The following TRAF3 variants were observed in gnomAD, a reference collection of about 807,000 sequenced individuals.
TRAF3 encodes the protein TNF receptor-associated factor 3.
In TRAF3, 13 loss-of-function variants were observed where a neutral mutation model predicts 62.3. The ratio of observed to expected loss-of-function variants is 0.21; its 90% CI spans 0.14 to 0.33. The LOEUF (loss-of-function observed/expected upper bound fraction) is 0.33, where lower values mean the gene tolerates loss of function less well. Among genes scored for constraint, TRAF3 ranks in the 10% least tolerant of loss-of-function variants. TRAF3 has a pLI of 1.00. For missense variants in TRAF3, 440 were observed against 741.8 expected (o/e 0.59, Z 4.73); for synonymous variants, 269 against 283.4 (o/e 0.95, Z 0.51).
At chr14:102,778,316 C>T (rs898374993) in intron 1 of TRAF3, among the ~76,000 whole-genome samples, 3 of 151,864 alleles carry the variant, frequency 2.0e-5, no homozygotes, top group Admixed American at 2.0e-4. Context: ...CCAGGCGGCT[C>T]TCGGCGGGCT....
chr14:102,778,663 A>T (rs1307332163), intron 1 of TRAF3, among the ~76,000 whole-genome samples: 1 of 152,176 alleles, frequency 6.6e-6, no homozygotes, highest in Non-Finnish European at 1.5e-5. Context: ...CGAGCGTTGT[A>T]GCGGCTTCTT....
At chr14:102,892,975 C>A (rs1276962994) in intron 9 of TRAF3, among the ~76,000 whole-genome samples, 2 of 152,090 alleles carry the variant, frequency 1.3e-5, no homozygotes, top group African/African-American at 4.8e-5. Flanking sequence ...TTTTTTTTCC[C>A]TCTTTTTGAA....
intron 2 of TRAF3, among the ~76,000 whole-genome samples, chr14:102,845,352 G>A (rs536487754): frequency 8.6e-4 from 131 of 151,466 alleles, no homozygotes; most frequent in African/African-American, 2.9e-3. Flanking sequence ...ACAGGCGCAC[G>A]CCACTAGCTC....
chr14:102,852,802 G>C (rs1207687426), intron 2 of TRAF3, among the ~76,000 whole-genome samples: 1 of 151,916 alleles, frequency 6.6e-6, no homozygotes, highest in Non-Finnish European at 1.5e-5. Flanking sequence ...CTGGGCTTAA[G>C]CAGTTCTCCC....
chr14:102,851,872 T>TG (rs1221007889), intron 2 of TRAF3, among the ~76,000 whole-genome samples: 1 of 151,606 alleles, frequency 6.6e-6, no homozygotes, highest in African/African-American at 2.4e-5. Context: ...CTGGGCAACA[T>TG]GGCGAGACCC....
At chr14:102,782,415 T>C (rs1464834228) in intron 1 of TRAF3, among the ~76,000 whole-genome samples, 1 of 151,844 alleles carries the variant, frequency 6.6e-6, no homozygotes, top group Non-Finnish European at 1.5e-5. Context: ...GTATTTTTAG[T>C]AGAGAGCGGG....
In TRAF3 at chr14:102,822,035, C is replaced by T. The variant is rs192843006; in HGVS notation, c.-156-8299C>T. Among the ~76,000 whole-genome samples the T allele has an allele frequency of 2.1e-3, 319 of 152,094 alleles. 1 individual carries two copies. The highest frequency in any genetic ancestry group is 5.9e-3 in the Admixed American group (90 of 15,286). ...CCAGCCTGGATGACAGAGTGAGACTCCATCTCAAATAAAATAAAATACAAT... is the reference window on the plus strand; with the variant it reads ...CCAGCCTGGATGACAGAGTGAGACTTCATCTCAAATAAAATAAAATACAAT... On this transcript the variant is annotated intron_variant, in intron 1 of 11. Coordinates refer to ENST00000392745, the MANE Select transcript of TRAF3 (RefSeq NM_145725.3).
At chr14:102,895,196 G>GC (rs1889939552) in intron 9 of TRAF3, 1 of 448,508 alleles carries the variant, frequency 2.2e-6, no homozygotes, top group Non-Finnish European at 4.5e-6. Flanking sequence ...CCACATTCGT[G>GC]CAGGTTGATC....
In TRAF3 at chr14:102,886,346, C is replaced by T. The variant is rs28410620; in HGVS notation, c.651+77C>T. The T allele has an allele frequency of 0.038, 47,730 of 1,269,282 alleles. 1,363 individuals carry two copies. The highest frequency in any genetic ancestry group is 0.13 in the African/African-American group (8,901 of 67,582). 78.6% of individuals were successfully genotyped at this position (1,269,282 alleles called of 1,614,324 possible). A position where few individuals can be genotyped will look rare whatever the true frequency, so the allele number is the denominator to read the frequency against. On this transcript the variant is annotated intron_variant, in intron 7 of 11. Coordinates refer to ENST00000392745, the MANE Select transcript of TRAF3 (RefSeq NM_145725.3). ...GCCTGGCTCCCCTTCCCTGCATAGC[C>T]GAAGCCTCACGTTTTCCCAGTTCGT...
chr14:102,862,291 A>G (rs1887721277), intron 2 of TRAF3, among the ~76,000 whole-genome samples: 1 of 151,978 alleles, frequency 6.6e-6, no homozygotes, highest in African/African-American at 2.4e-5. Context: ...CCCAGCTCCC[A>G]GAGAGACTGA....
At chr14:102,892,753 G>A (rs910178197) in intron 9 of TRAF3, among the ~76,000 whole-genome samples, 1 of 152,162 alleles carries the variant, frequency 6.6e-6, no homozygotes, top group African/African-American at 2.4e-5. Flanking sequence ...TAAATAGAAA[G>A]ATTTCCCTTT....
intron 3 of TRAF3, among the ~76,000 whole-genome samples, chr14:102,871,418 G>T (rs1888336440): frequency 6.6e-6 from 1 of 152,212 alleles, no homozygotes; most frequent in South Asian, 2.1e-4. Context: ...AAGCTTCCCG[G>T]TGGAGGAGGG....
intron 1 of TRAF3, among the ~76,000 whole-genome samples, chr14:102,780,818 G>A (rs1239363661): frequency 6.6e-6 from 1 of 152,186 alleles, no homozygotes; most frequent in Non-Finnish European, 1.5e-5. Flanking sequence ...GGTGTGATTT[G>A]CAGGGATATA....
At chr14:102,834,251 A>T (rs926496184) in intron 2 of TRAF3, among the ~76,000 whole-genome samples, 3 of 152,146 alleles carry the variant, frequency 2.0e-5, no homozygotes, top group Non-Finnish European at 2.9e-5. Flanking sequence ...ACAAAAGCAG[A>T]CACGAATGGA....
Position 102,809,291 on chromosome 14 carries a change from C to T in TRAF3, c.-156-21043C>T, listed in dbSNP as rs138269532. 7.3e-5 allele frequency among the ~76,000 whole-genome samples: 11 copies of T among 151,710 alleles called. No homozygotes were observed. In the South Asian group the frequency reaches 1.0e-3, roughly 14 times the overall value. ...ATGAGCCACTGTGCCTGGCCGCACC[C>T]GGCTAATTTTTGTATTTTTAGTAGA... On this transcript the variant is annotated intron_variant, in intron 1 of 11. Coordinates refer to ENST00000392745, the MANE Select transcript of TRAF3 (RefSeq NM_145725.3).
At position 102,798,253 on chromosome 14, in the gene TRAF3, G is replaced by A. The variant is rs184993620; in HGVS notation, c.-157+20578G>A. On this transcript the variant is annotated intron_variant, in intron 1 of 11. Coordinates refer to ENST00000392745, the MANE Select transcript of TRAF3 (RefSeq NM_145725.3). ...TTTTTTTTTTTTGAGACTGGGTCTT[G>A]CTCTGTTGCCCAGGTTGGAGTGCAG... Among the ~76,000 whole-genome samples, 449 of 149,428 alleles carry A rather than the reference G, an allele frequency of 3.0e-3. 2 individuals are homozygous for A. Among genetic ancestry groups the A allele is most frequent in the African/African-American group, 7.3e-3 (297 of 40,546 alleles).
At chr14:102,899,409 G>A (rs992294933) in intron 10 of TRAF3, among the ~76,000 whole-genome samples, 1 of 152,138 alleles carries the variant, frequency 6.6e-6, no homozygotes, top group African/African-American at 2.4e-5. Context: ...TTCATCCTCA[G>A]AGCCCTTCCT....
At chr14:102,812,277 T>C (rs895600462) in intron 1 of TRAF3, among the ~76,000 whole-genome samples, 1 of 152,174 alleles carries the variant, frequency 6.6e-6, no homozygotes, top group African/African-American at 2.4e-5. Flanking sequence ...GTTTTTGGCT[T>C]ATCTCACTTA....
At chr14:102,828,171 T>A (rs926349864) in intron 1 of TRAF3, among the ~76,000 whole-genome samples, 2 of 152,240 alleles carry the variant, frequency 1.3e-5, no homozygotes, top group African/African-American at 4.8e-5. Context: ...CAGCATTTTT[T>A]AAAGATTCTT....
Sources: allele counts gnomAD v4.1 joint callset (sites outside exome capture counted in the v4.1 genomes callset), GRCh38; gene constraint gnomAD v4.1.1; transcripts MANE v1.5; gene names NCBI Gene and HGNC (gene_info 2026-07-23, HGNC 2026-07-21).